The following HMGA1 variants were observed in gnomAD, a reference collection of about 807,000 sequenced individuals.
The protein encoded by HMGA1 is high mobility group protein HMG-I/HMG-Y.
In HMGA1, 1 loss-of-function variant was observed where a neutral mutation model predicts 15.1. That is an observed-to-expected ratio of 0.07 (90% CI 0.02 to 0.31). The LOEUF is 0.31. Ranked by LOEUF, HMGA1 falls within the 10% of genes least tolerant of loss-of-function variation. The probability of loss-of-function intolerance (pLI) is 1.00; values close to 1 mark genes in which losing one functional copy is unlikely to be tolerated. For missense variants in HMGA1, 94 were observed against 141.4 expected (o/e 0.66, Z 1.70); for synonymous variants, 56 against 54.8 (o/e 1.02, Z -0.10).
chr6:34,245,935 C>T lies in HMGA1; in HGVS notation c.*1051C>T. 3.2e-6 allele frequency: 1 copy of T among 312,852 alleles called. No homozygotes were observed. 19.4% of individuals were successfully genotyped at this position (312,852 alleles called of 1,614,324 possible). On this transcript the variant is annotated 3_prime_UTR_variant, in exon 6 of 6. Coordinates refer to ENST00000311487, the MANE Select transcript of HMGA1 (RefSeq NM_145899.3). ...GCTACCAGCGCCAAATGTTCATCCT[C>T]ATTGCCTCCTGTTCTGCCCACGATC...
chr6:34,242,581 C>T (rs552645079), intron 3 of HMGA1, 131 bp from the exon 4 acceptor site: 1 of 705,272 alleles, frequency 1.4e-6, no homozygotes, highest in East Asian at 2.8e-5. Context: ...TGAAGGGATT[C>T]CTAGGTCAGG....
At chr6:34,238,971 T>C (rs1762065467) in intron 2 of HMGA1, 1 of 152,188 alleles carries the variant, frequency 6.6e-6, no homozygotes, top group African/African-American at 2.4e-5. Flanking sequence ...AGCACTCGTT[T>C]AGTTGATTAA....
At chr6:34,241,025 C>G in intron 3 of HMGA1, 110 bp downstream of exon 3, 1 of 1,280,224 alleles carries the variant, frequency 7.8e-7, no homozygotes, top group Admixed American at 1.9e-5. Flanking sequence ...AATGATTCTG[C>G]GCAGTAAGCG....
chr6:34,240,797 C>G lies in HMGA1; in HGVS notation c.17C>G (p.Ser6Trp). The change falls in exon 3 of 6, where the codon TCG becomes TGG. Residue 6 changes from serine to tryptophan, a missense_variant. Coordinates refer to ENST00000311487, the MANE Select transcript of HMGA1 (RefSeq NM_145899.3). MSESS[S>W]KSSQPLASKQ... ...GAAGGGAAGATGAGTGAGTCGAGCT[C>G]GAAGTCCAGCCAGCCCTTGGCCTCC... 1.2e-6 allele frequency: 2 copies of G among 1,612,632 alleles called. No individual in the cohort carries two copies. The highest frequency in any genetic ancestry group is 1.7e-6 in the Non-Finnish European group (2 of 1,179,880).
At chr6:34,237,422 C>T (rs1761858029) in intron 2 of HMGA1, 105 bp downstream of exon 2, 1 of 143,936 alleles carries the variant, frequency 6.9e-6, no homozygotes, top group Non-Finnish European at 1.5e-5. Flanking sequence ...CAGCGCGCGC[C>T]GCCGGCTTTA....
At chr6:34,238,353 G>A (rs539283485) in intron 2 of HMGA1, among the ~76,000 whole-genome samples, 108 of 152,368 alleles carry the variant, frequency 7.1e-4, no homozygotes, top group African/African-American at 2.4e-3. Flanking sequence ...GGAGCCTGAT[G>A]CCTCGGGGGT....
intron 5 of HMGA1, among the ~76,000 whole-genome samples, chr6:34,243,987 C>T (rs56657958): frequency 0.053 from 8,120 of 152,016 alleles, 478 homozygotes; most frequent in Admixed American, 0.18. Context: ...CACTGGAGGG[C>T]ACCATCCAAT....
chr6:34,242,001 G>A (rs1762349968), intron 3 of HMGA1, among the ~76,000 whole-genome samples: 1 of 152,186 alleles, frequency 6.6e-6, no homozygotes, highest in Non-Finnish European at 1.5e-5. Context: ...CAGGAGGGGT[G>A]CAGGGTTACT....
chr6:34,239,749 A>G (rs1762144744), intron 2 of HMGA1, among the ~76,000 whole-genome samples: 1 of 152,190 alleles, frequency 6.6e-6, no homozygotes, highest in South Asian at 2.1e-4. Flanking sequence ...GTATTCCCAA[A>G]TACAGGTTGC....
In HMGA1 at chr6:34,245,334, C is replaced by G. The variant is rs949991297; in HGVS notation, c.*450C>G. The G allele has an allele frequency of 1.5e-6, 2 of 1,366,150 alleles. No homozygotes were observed. The highest frequency in any genetic ancestry group is 1.9e-6 in the Non-Finnish European group (2 of 1,036,716). The allele number at this position is 1,366,150 out of a possible 1,614,324, so 84.6% of individuals were successfully genotyped here. ...GGTTCCCCTGGCCTTAAAAGGGGCC[C>G]AAGCCCCATCTCATCCTGGCACGCC... On this transcript the variant is annotated 3_prime_UTR_variant, in exon 6 of 6. Coordinates refer to ENST00000311487, the MANE Select transcript of HMGA1 (RefSeq NM_145899.3).
chr6:34,237,311 G>C lies in HMGA1; in HGVS notation c.-51G>C, dbSNP rs1461316121. On this transcript the variant is annotated 5_prime_UTR_variant, in exon 2 of 6. Transcript: ENST00000311487. ...GCGCGCACCGCAGGCCGGCGGCCGA[G>C]CTCGCGGTGAGTCGTCCCCGGGGCC... 2.7e-5 allele frequency: 4 copies of C among 146,994 alleles called. No homozygotes were observed. Among genetic ancestry groups the C allele is most frequent in the Non-Finnish European group, 6.0e-5 (4 of 66,386 alleles). 9.1% of individuals were successfully genotyped at this position (146,994 alleles called of 1,614,324 possible).
intron 2 of HMGA1, among the ~76,000 whole-genome samples, chr6:34,239,953 C>T (rs1332843630): frequency 2.0e-5 from 3 of 152,156 alleles, no homozygotes; most frequent in East Asian, 1.9e-4. Context: ...GGAGAATTCC[C>T]TACCCATCTG....
intron 1 of HMGA1, 103 bp from the exon 2 acceptor site, chr6:34,237,100 TG>T (rs1405258039): frequency 2.6e-5 from 4 of 152,010 alleles, no homozygotes; most frequent in African/African-American, 9.7e-5. Context: ...GGAATATTTT[TG>T]TCCCCCCGCC....
In HMGA1 at chr6:34,245,146, A is replaced by G. The variant is rs568959785; in HGVS notation, c.*262A>G. 5.1e-5 allele frequency: 75 copies of G among 1,470,612 alleles called. No homozygotes were observed. Among genetic ancestry groups the G allele is most frequent in the Middle Eastern group, 3.5e-4 (2 of 5,704 alleles). The allele number at this position is 1,470,612 out of a possible 1,614,324, so 91.1% of individuals were successfully genotyped here. ...CCCCCGCCCACCCACGCATACACAC[A>G]TGCCCTCCTGGACAAGGCTAACATC... On this transcript the variant is annotated 3_prime_UTR_variant, in exon 6 of 6. Coordinates refer to ENST00000311487, the MANE Select transcript of HMGA1 (RefSeq NM_145899.3).
intron 3 of HMGA1, among the ~76,000 whole-genome samples, chr6:34,242,357 G>T (rs1179304945): frequency 6.6e-6 from 1 of 152,288 alleles, no homozygotes; most frequent in Middle Eastern, 3.4e-3. Context: ...ATTTATAGAT[G>T]AGGAAACTGA....
At chr6:34,240,638 G>A in intron 2 of HMGA1, 99 bp from the exon 3 acceptor site, 2 of 975,000 alleles carry the variant, frequency 2.1e-6, no homozygotes, top group Non-Finnish European at 3.2e-6. Context: ...GCCCATGGGA[G>A]CACAGTTTTC....
chr6:34,238,211 G>C (rs991533075), intron 2 of HMGA1, among the ~76,000 whole-genome samples: 1 of 152,118 alleles, frequency 6.6e-6, no homozygotes, highest in Admixed American at 6.5e-5. Context: ...CATGCGGTCG[G>C]GGTGCGCTGC....
At position 34,236,957 on chromosome 6, in the gene HMGA1, A is replaced by G. The variant is rs919936139; in HGVS notation, c.-165A>G. ...TATTTCTGGCGCTGGCGCGGCTCCA[A>G]GAAGGCGTGAGTTCGCGGCCGCTCC... On this transcript the variant is annotated 5_prime_UTR_variant, in exon 1 of 6. Transcript: ENST00000311487. The G allele has an allele frequency of 6.6e-6, 1 of 152,520 alleles. No homozygotes were observed. Among genetic ancestry groups the G allele is most frequent in the African/African-American group, 2.4e-5 (1 of 41,462 alleles). 9.4% of individuals were successfully genotyped at this position (152,520 alleles called of 1,614,324 possible).
chr6:34,245,552 C>T lies in HMGA1; in HGVS notation c.*668C>T, dbSNP rs1390649688. 5 of 1,379,474 alleles carry T rather than the reference C, an allele frequency of 3.6e-6. No individual in the cohort carries two copies. In the South Asian group the frequency reaches 3.7e-5, roughly 10 times the overall value. 85.5% of individuals were successfully genotyped at this position (1,379,474 alleles called of 1,614,324 possible). On this transcript the variant is annotated 3_prime_UTR_variant, in exon 6 of 6. Transcript: ENST00000311487. Reference sequence around the variant, plus strand: ...AGGCAGGAGGGGTGAGTCCCCTACTCCCTCTTCACTGTGGCCACAGCCCCC... The same window carrying T: ...AGGCAGGAGGGGTGAGTCCCCTACTTCCTCTTCACTGTGGCCACAGCCCCC...
Sources: gnomAD v4.1 joint callset for allele counts (sites outside exome capture counted in the v4.1 genomes callset) on GRCh38, gnomAD v4.1.1 for gene constraint, MANE v1.5 for transcripts, NCBI Gene and HGNC (gene_info 2026-07-23, HGNC 2026-07-21) for gene names.